Variants in HLTF observed in about 807,000 individuals in gnomAD.
The protein encoded by HLTF is helicase like transcription factor, also known as DNA-dependent ATPase/E3 ubiquitin-protein ligase HLTF.
HLTF carries 127 observed loss-of-function variants against 129.4 expected under a neutral mutation model. The observed-to-expected ratio is 0.98, with a 90% CI of 0.85 to 1.14. The LOEUF (loss-of-function observed/expected upper bound fraction) is 1.14. Ranked by LOEUF, HLTF falls within the 50% of genes most tolerant of loss-of-function variation. The pLI is 0.00. For synonymous variants in HLTF, 332 were observed against 388.8 expected (o/e 0.85, Z 1.72); for missense variants, 1,139 against 1,187.1 (o/e 0.96, Z 0.60).
intron 13 of HLTF, among the ~76,000 whole-genome samples, chr3:149,057,634 G>C (rs756953790): frequency 1.3e-5 from 2 of 152,136 alleles, no homozygotes; most frequent in African/African-American, 2.4e-5. Flanking sequence ...TTATGTGAAT[G>C]TGGTCATTCT....
At chr3:149,048,001 T>C (rs758065489) in intron 17 of HLTF, 27 bp downstream of exon 17, 62 of 1,559,176 alleles carry the variant, frequency 4.0e-5, no homozygotes, top group Non-Finnish European at 5.1e-5. Flanking sequence ...TTGTAACTAA[T>C]ATTAATCACT....
intron 4 of HLTF, 34 bp downstream of exon 4, chr3:149,074,181 A>G (rs1355826235): frequency 5.7e-6 from 9 of 1,583,920 alleles, no homozygotes; most frequent in Middle Eastern, 1.8e-4. Flanking sequence ...ATCTTACAAT[A>G]TCAGAATAAT....
chr3:149,038,941 G>T, intron 23 of HLTF, 108 bp downstream of exon 23: 1 of 613,480 alleles, frequency 1.6e-6, no homozygotes. Flanking sequence ...GTTTGCCTAA[G>T]AATTTTCACA....
intron 9 of HLTF, 25 bp from the exon 10 acceptor site, chr3:149,063,549 TA>T (rs1559872826): frequency 7.3e-7 from 1 of 1,377,260 alleles, no homozygotes; most frequent in Non-Finnish European, 1.0e-6. Context: ...AATGCAAATA[TA>T]AAGTATTAGT....
In HLTF at chr3:149,039,647, G is replaced by T; in HGVS notation, c.2549C>A (p.Pro850His). The T allele has an allele frequency of 6.2e-7, 1 of 1,606,616 alleles. No homozygotes were observed. The highest frequency in any genetic ancestry group is 8.5e-7 in the Non-Finnish European group (1 of 1,176,554). The change falls in exon 22 of 25, where the codon CCC becomes CAC. Residue 850 changes from proline (P) to histidine (H), a missense_variant. Transcript: ENST00000310053. ...HALTDLRKKN[P>H]NIKSLVVSQF... The stretch of plus-strand genomic sequence containing the variant: ...AGAAACAACCAAACTTTTTATGTTG[G>T]GATTCTTCTTTCTTAAGTCAGTCAA...
At chr3:149,047,820 A>G (rs887586512) in intron 17 of HLTF, among the ~76,000 whole-genome samples, 1 of 152,160 alleles carries the variant, frequency 6.6e-6, no homozygotes, top group Non-Finnish European at 1.5e-5. Context: ...TTTAGCCACA[A>G]CAGGGGAAGG....
chr3:149,076,089 T>A (rs751483667), intron 2 of HLTF, 42 bp from the exon 3 acceptor site: 1 of 768,266 alleles, frequency 1.3e-6, no homozygotes, highest in East Asian at 2.9e-5. Flanking sequence ...TTATAAATAA[T>A]AGACAATAAC....
At chr3:149,058,096 T>C (rs925289186) in intron 13 of HLTF, among the ~76,000 whole-genome samples, 3 of 152,100 alleles carry the variant, frequency 2.0e-5, no homozygotes, top group African/African-American at 7.2e-5. Context: ...CATCCCCCTA[T>C]TCCTTTATTT....
Position 149,063,517 on chromosome 3 carries a change from A to G in HLTF, c.1074T>C (p.Ser358=), listed in dbSNP as rs750884394. ...AAATACTGGGTTGTTCACTACATCT[A>G]GATGCGTCTATTTCAAAGAAAAATG... ...EKADGLSKDA[S]RCSEQPSISD... The change falls in exon 10 of 25, where the codon TCT becomes TCC. Residue 358 remains serine, a synonymous_variant. Transcript: ENST00000310053. 5 of 1,589,144 alleles carry G rather than the reference A, an allele frequency of 3.1e-6. No individual in the cohort carries two copies. The African/African-American group carries it at 6.7e-5, about 21-fold the overall frequency.
In HLTF at chr3:149,041,510, G is replaced by T; in HGVS notation, c.2356C>A (p.Gln786Lys). ...AHVFCKPCIC[Q>K]VIQNEQPHAK... ...CTAACCTGCTCATTCTGAATGACTT[G>T]GCAAATACAGGGTTTACAAAATACA... Residue 786 changes from glutamine (Q) to lysine (K), a missense_variant, in exon 20 of 25, where the codon CAA (glutamine) becomes AAA (lysine). Physicochemically the swap from Gln to Lys is moderately conservative, Grantham distance 53 (BLOSUM62 1). Coordinates refer to ENST00000310053, the MANE Select transcript of HLTF (RefSeq NM_003071.4). 6.2e-7 allele frequency: 1 copy of T among 1,612,722 alleles called. No homozygotes were observed. Among genetic ancestry groups the T allele is most frequent in the South Asian group, 1.1e-5 (1 of 90,884 alleles).
At chr3:149,051,004 C>T (rs765648439) in intron 14 of HLTF, among the ~76,000 whole-genome samples, 103 of 151,406 alleles carry the variant, frequency 6.8e-4, no homozygotes, top group Middle Eastern at 3.4e-3. Flanking sequence ...AGAGAAGATA[C>T]CAGGGAGACA....
chr3:149,080,875 A>G (rs374923316), intron 2 of HLTF, among the ~76,000 whole-genome samples: 176 of 152,326 alleles, frequency 1.2e-3, no homozygotes, highest in African/African-American at 4.0e-3. Flanking sequence ...AATTAATCAT[A>G]ACAGTATAGT....
intron 13 of HLTF, chr3:149,059,473 C>G (rs574354495): frequency 4.0e-6 from 2 of 496,576 alleles, no homozygotes; most frequent in South Asian, 4.2e-5. Flanking sequence ...AATATCTCTG[C>G]TATTCAGAGG....
Position 149,030,453 on chromosome 3 carries a change from A to C in HLTF, c.*1767T>G, listed in dbSNP as rs559426193. ...GTGTGTTTTAAAAACAACTTTGTAA[A>C]TGTCTGGGCAAAGAAGCAAGCTGTC... is the stretch of plus-strand genomic sequence containing the variant. On this transcript the variant is annotated 3_prime_UTR_variant, in exon 25 of 25. Transcript: ENST00000310053. The C allele has an allele frequency of 6.7e-6, 1 of 149,666 alleles. No homozygotes were observed. Among genetic ancestry groups the C allele is most frequent in the African/African-American group, 2.4e-5 (1 of 41,476 alleles). 9.3% of individuals were successfully genotyped at this position (149,666 alleles called of 1,614,324 possible). A position where few individuals can be genotyped will look rare whatever the true frequency, so the allele number is the denominator to read the frequency against.
intron 14 of HLTF, among the ~76,000 whole-genome samples, chr3:149,054,991 G>C: frequency 6.6e-6 from 1 of 152,246 alleles, no homozygotes; most frequent in East Asian, 1.9e-4. Context: ...CAGTCAATCT[G>C]TAAATGTAGA....
At chr3:149,059,890 A>G in intron 12 of HLTF, 83 bp from the exon 13 acceptor site, 1 of 837,530 alleles carries the variant, frequency 1.2e-6, no homozygotes, top group Non-Finnish European at 1.9e-6. Context: ...GGTAAGAAAT[A>G]GAATATCATT....
chr3:149,069,158 T>TA (rs35334487), intron 7 of HLTF, among the ~76,000 whole-genome samples: 46,551 of 149,940 alleles, frequency 0.31, 7,015 homozygotes, highest in East Asian at 0.33. Flanking sequence ...CACATACAGT[T>TA]AAAAAAAAAA....
In HLTF at chr3:149,079,102, A is replaced by C. The variant is rs141317988; in HGVS notation, c.229-3055T>G. Among the ~76,000 whole-genome samples, 811 of 152,196 alleles carry C rather than the reference A, an allele frequency of 5.3e-3. 9 individuals are homozygous for C. Among genetic ancestry groups the C allele is most frequent in the African/African-American group, 0.018 (764 of 41,528 alleles). ...AATCTAAGGAACAAAAAAATGACAC[A>C]CAACAGAGCCTCAGAAACTTGTAAT... is the stretch of plus-strand genomic sequence containing the variant. On this transcript the variant is annotated intron_variant, in intron 2 of 24. Coordinates refer to ENST00000310053, the MANE Select transcript of HLTF (RefSeq NM_003071.4).
chr3:149,047,757 T>G (rs545846744), intron 17 of HLTF, among the ~76,000 whole-genome samples: 1 of 152,250 alleles, frequency 6.6e-6, no homozygotes, highest in Non-Finnish European at 1.5e-5. Flanking sequence ...ATGCTGGTTT[T>G]GGGGCTTTGG....
Sources: allele counts gnomAD v4.1 joint callset (sites outside exome capture counted in the v4.1 genomes callset), GRCh38; gene constraint gnomAD v4.1.1; transcripts MANE v1.5; gene names NCBI Gene and HGNC (gene_info 2026-07-23, HGNC 2026-07-21).